The following PCDH15 variants were observed in gnomAD, a reference collection of about 807,000 sequenced individuals.
PCDH15 encodes the protein protocadherin related 15, also known as protocadherin-15.
PCDH15 carries 129 observed loss-of-function variants against 178.5 expected under a neutral mutation model. The observed-to-expected ratio is 0.72, with a 90% CI of 0.63 to 0.84. The LOEUF (loss-of-function observed/expected upper bound fraction) is 0.84. Ranked by LOEUF, PCDH15 falls within the 40% of genes least tolerant of loss-of-function variation. PCDH15 has a pLI of 0.00. For synonymous variants in PCDH15, 800 were observed against 732.0 expected, an observed-to-expected ratio of 1.09 and a Z score of -1.50; for missense variants, 2,230 against 2,099.9, an observed-to-expected ratio of 1.06 and a Z score of -1.21.
At chr10:54,856,572 A>C (rs911970608) in intron 3 of PCDH15, among the ~76,000 whole-genome samples, 1 of 152,164 alleles carries the variant, frequency 6.6e-6, no homozygotes, top group African/African-American at 2.4e-5. Flanking sequence ...TAGCTTCCCT[A>C]ATATTCAAGC....
At chr10:54,245,279 A>G (rs1258969063) in intron 8 of PCDH15, among the ~76,000 whole-genome samples, 1 of 152,190 alleles carries the variant, frequency 6.6e-6, no homozygotes, top group Non-Finnish European at 1.5e-5. Context: ...ATTTAGATAA[A>G]TGAAGCAAAG....
intron 2 of PCDH15, among the ~76,000 whole-genome samples, chr10:55,609,071 G>A (rs1449158572): frequency 6.6e-6 from 1 of 151,240 alleles, no homozygotes; most frequent in African/African-American, 2.4e-5. Context: ...CACAATATTT[G>A]AGTACTTTTC....
At chr10:55,296,752 A>C (rs1192588756) in intron 1 of PCDH15, among the ~76,000 whole-genome samples, 1 of 152,062 alleles carries the variant, frequency 6.6e-6, no homozygotes, top group Admixed American at 6.6e-5. Flanking sequence ...AGTAAAATTC[A>C]CTTTTTCTGT....
intron 1 of PCDH15, among the ~76,000 whole-genome samples, chr10:54,666,282 A>G (rs756538224): frequency 6.6e-6 from 1 of 152,190 alleles, no homozygotes; most frequent in East Asian, 1.9e-4. Flanking sequence ...TATTATCCCC[A>G]TTTTGTGGAG....
intron 2 of PCDH15, among the ~76,000 whole-genome samples, chr10:55,334,363 A>T (rs1465969062): frequency 6.8e-6 from 1 of 146,890 alleles, no homozygotes; most frequent in Non-Finnish European, 1.5e-5. Flanking sequence ...GCTGGAGTGC[A>T]ATGGCGTGAT....
intron 2 of PCDH15, among the ~76,000 whole-genome samples, chr10:55,484,498 T>A (rs1295384136): frequency 6.6e-6 from 1 of 151,542 alleles, no homozygotes; most frequent in Non-Finnish European, 1.5e-5. Flanking sequence ...TTCAATGCTA[T>A]CCCTAACAAA....
chr10:54,233,439 C>T (rs2054285498), intron 9 of PCDH15, among the ~76,000 whole-genome samples: 1 of 152,184 alleles, frequency 6.6e-6, no homozygotes, highest in Admixed American at 6.5e-5. Flanking sequence ...TTGTGAATTT[C>T]CAAAATTTCC....
At chr10:54,543,276 CCT>C (rs2085466899) in intron 2 of PCDH15, among the ~76,000 whole-genome samples, 1 of 152,292 alleles carries the variant, frequency 6.6e-6, no homozygotes, top group African/African-American at 2.4e-5. Flanking sequence ...TACAGAAATC[CCT>C]CTGTCCTTGT....
At chr10:54,075,055 G>C (rs1307660820) in intron 17 of PCDH15, among the ~76,000 whole-genome samples, 2 of 152,034 alleles carry the variant, frequency 1.3e-5, no homozygotes, top group Non-Finnish European at 2.9e-5. Context: ...TGCCAATTTT[G>C]AATCAGTTTG....
intron 5 of PCDH15, among the ~76,000 whole-genome samples, chr10:54,364,475 C>G (rs10825311): frequency 0.15 from 22,054 of 151,824 alleles, 1,785 homozygotes; most frequent in Middle Eastern, 0.22. Flanking sequence ...CCGTGAAAAC[C>G]CAGCATTTGG....
intron 2 of PCDH15, among the ~76,000 whole-genome samples, chr10:55,108,714 A>G (rs1837421052): frequency 6.6e-6 from 1 of 152,154 alleles, no homozygotes; most frequent in Non-Finnish European, 1.5e-5. Context: ...CAAATAAAAA[A>G]AAAAACAATA....
intron 2 of PCDH15, among the ~76,000 whole-genome samples, chr10:55,461,469 T>C (rs935795742): frequency 6.6e-6 from 1 of 152,154 alleles, no homozygotes; most frequent in African/African-American, 2.4e-5. Flanking sequence ...ATTCAATTAT[T>C]TTTGGGGGGA....
At chr10:54,300,099 G>A (rs2060058575) in intron 8 of PCDH15, among the ~76,000 whole-genome samples, 2 of 152,164 alleles carry the variant, frequency 1.3e-5, no homozygotes, top group Non-Finnish European at 2.9e-5. Context: ...CTAAACTGCT[G>A]AGGCCTAGAC....
At chr10:54,597,763 G>A (rs1036073895) in intron 2 of PCDH15, among the ~76,000 whole-genome samples, 1 of 151,896 alleles carries the variant, frequency 6.6e-6, no homozygotes, top group Non-Finnish European at 1.5e-5. Context: ...AGAAAACAGA[G>A]AAGATCCAAA....
chr10:55,092,624 CTTAA>C (rs1293507924), intron 2 of PCDH15, among the ~76,000 whole-genome samples: 1 of 151,832 alleles, frequency 6.6e-6, no homozygotes, highest in Admixed American at 6.6e-5. Flanking sequence ...TCAATATGGT[CTTAA>C]TTGACTTGAG....
intron 1 of PCDH15, among the ~76,000 whole-genome samples, chr10:54,682,544 T>C (rs2094919271): frequency 6.6e-6 from 1 of 152,214 alleles, no homozygotes; most frequent in Non-Finnish European, 1.5e-5. Context: ...TGGTTTAAAC[T>C]ATATTATACA....
chr10:55,269,685 T>C (rs1176479996), intron 1 of PCDH15, among the ~76,000 whole-genome samples: 2 of 152,174 alleles, frequency 1.3e-5, no homozygotes, highest in Non-Finnish European at 2.9e-5. Context: ...AGAATTAATA[T>C]TGTTACAATG....
chr10:55,020,581 C>A (rs10740607), intron 2 of PCDH15, among the ~76,000 whole-genome samples: 86,563 of 151,846 alleles, frequency 0.57, 25,000 homozygotes, highest in East Asian at 0.75. Flanking sequence ...ATCCTTAGAT[C>A]ATTTTGTGAA....
intron 3 of PCDH15, among the ~76,000 whole-genome samples, chr10:54,850,356 T>A (rs1383847575): frequency 6.6e-6 from 1 of 152,128 alleles, no homozygotes; most frequent in Non-Finnish European, 1.5e-5. Context: ...AGTTTCTTAG[T>A]GGTGATTTGT....
Sources: gnomAD v4.1 joint callset for allele counts (sites outside exome capture counted in the v4.1 genomes callset) on GRCh38, gnomAD v4.1.1 for gene constraint, MANE v1.5 for transcripts, NCBI Gene and HGNC (gene_info 2026-07-23, HGNC 2026-07-21) for gene names.